Variants in CYRIA observed in about 807,000 individuals in gnomAD.
CYRIA encodes the protein CYFIP related Rac1 interactor A.
A neutral mutation model predicts 43.9 loss-of-function variants in CYRIA; 15 were observed. That is an observed-to-expected ratio of 0.34 (90% CI 0.23 to 0.53). CYRIA has a LOEUF of 0.53. Ranked by LOEUF, CYRIA falls within the 20% of genes least tolerant of loss-of-function variation. The pLI is 0.94. For synonymous variants in CYRIA, 117 were observed against 136.0 expected (o/e 0.86, Z 0.97); for missense variants, 236 against 394.2 (o/e 0.60, Z 3.40).
intron 2 of CYRIA, among the ~76,000 whole-genome samples, chr2:16,601,322 G>T (rs905698875): frequency 6.6e-6 from 1 of 152,156 alleles, no homozygotes; most frequent in African/African-American, 2.4e-5. Context: ...GGTTGGGGGG[G>T]ATTCTGAGTG....
intron 2 of CYRIA, among the ~76,000 whole-genome samples, chr2:16,603,612 G>A (rs73211569): frequency 0.037 from 5,685 of 152,158 alleles, 283 homozygotes; most frequent in East Asian, 0.11. Context: ...TGAGCTCCTC[G>A]TCTCTGCTCA....
intron 1 of CYRIA, among the ~76,000 whole-genome samples, chr2:16,628,508 T>C (rs1669231764): frequency 6.6e-6 from 1 of 152,214 alleles, no homozygotes; most frequent in Non-Finnish European, 1.5e-5. Flanking sequence ...TACTTCCACA[T>C]ACTCCCTACG....
intron 2 of CYRIA, among the ~76,000 whole-genome samples, chr2:16,589,580 C>G (rs1486316417): frequency 6.6e-6 from 1 of 152,094 alleles, no homozygotes; most frequent in Non-Finnish European, 1.5e-5. Context: ...GCCTCAGTTT[C>G]CTCATCTGTA....
chr2:16,627,050 G>A (rs374446471), intron 1 of CYRIA, among the ~76,000 whole-genome samples: 3 of 152,314 alleles, frequency 2.0e-5, no homozygotes, highest in East Asian at 1.9e-4. Flanking sequence ...ACTAGGGCCC[G>A]AAATAGGCAT....
chr2:16,571,351 G>A (rs912344345), intron 3 of CYRIA, among the ~76,000 whole-genome samples: 6 of 152,256 alleles, frequency 3.9e-5, no homozygotes, highest in South Asian at 2.1e-4. Flanking sequence ...ACCAATGCAC[G>A]GCACTCCTTG....
rs1254940861 is a variant in CYRIA at position 16,623,966 on chromosome 2, C to A, written c.-113G>T. 6.6e-6 allele frequency: 1 copy of A among 152,180 alleles called. No individual in the cohort carries two copies. The highest frequency in any genetic ancestry group is 1.5e-5 in the Non-Finnish European group (1 of 68,044). 9.4% of individuals were successfully genotyped at this position (152,180 alleles called of 1,614,324 possible). A position where few individuals can be genotyped will look rare whatever the true frequency, so the allele number is the denominator to read the frequency against. On this transcript the variant is annotated 5_prime_UTR_variant, in exon 2 of 12. Transcript: ENST00000381323. ...GTAAGTTGGACTTCCCAAATCAGGA[C>A]GGTGGCCTCCTAGAGTCCTGTAGCT...
At position 16,550,259 on chromosome 2, in the gene CYRIA, G is replaced by GTGCA. The variant is rs1198098572; in HGVS notation, c.*2673_*2676dup. 1 of 150,840 alleles carries GTGCA rather than the reference G, an allele frequency of 6.6e-6. No homozygotes were observed. Among genetic ancestry groups the GTGCA allele is most frequent in the Non-Finnish European group, 1.5e-5 (1 of 67,864 alleles). The allele number at this position is 150,840 out of a possible 1,614,324, so 9.3% of individuals were successfully genotyped here. A position where few individuals can be genotyped will look rare whatever the true frequency, so the allele number is the denominator to read the frequency against. ...AACCACCCGTAAGTCTTGGACGCAT[G>GTGCA]TGCATGCAGCACACACACACACACA... On this transcript the variant is annotated 3_prime_UTR_variant, in exon 12 of 12. Transcript: ENST00000381323.
intron 1 of CYRIA, among the ~76,000 whole-genome samples, chr2:16,656,801 A>C (rs533920358): frequency 3.3e-5 from 5 of 152,388 alleles, no homozygotes; most frequent in East Asian, 3.9e-4. Flanking sequence ...GGCCACTGCC[A>C]ATGGCCATGC....
At chr2:16,558,419 C>T (rs1477755428) in intron 10 of CYRIA, among the ~76,000 whole-genome samples, 4 of 152,100 alleles carry the variant, frequency 2.6e-5, no homozygotes, top group Non-Finnish European at 5.9e-5. Context: ...TGCATAGGGC[C>T]AGAGCATCAG....
At chr2:16,593,996 C>T (rs1441471967) in intron 2 of CYRIA, among the ~76,000 whole-genome samples, 32 of 79,122 alleles carry the variant, frequency 4.0e-4, no homozygotes, top group East Asian at 7.7e-4. Flanking sequence ...TTTGTTCTTG[C>T]GATAGTTTAC....
At chr2:16,659,446 G>A (rs1359917909) in intron 1 of CYRIA, among the ~76,000 whole-genome samples, 1 of 152,230 alleles carries the variant, frequency 6.6e-6, no homozygotes, top group Admixed American at 6.5e-5. Flanking sequence ...GGTACAAAAT[G>A]TTTATCATTG....
chr2:16,591,804 C>T (rs1394995190), intron 2 of CYRIA, among the ~76,000 whole-genome samples: 2 of 152,078 alleles, frequency 1.3e-5, no homozygotes, highest in Non-Finnish European at 2.9e-5. Flanking sequence ...ATCTGAGTAT[C>T]TGAGTTTATT....
chr2:16,550,864 T>C lies in CYRIA; in HGVS notation c.*2072A>G, dbSNP rs1666283551. 6.6e-6 allele frequency: 1 copy of C among 152,178 alleles called. No homozygotes were observed. Among genetic ancestry groups the C allele is most frequent in the African/African-American group, 2.4e-5 (1 of 41,450 alleles). 9.4% of individuals were successfully genotyped at this position (152,178 alleles called of 1,614,324 possible). ...TAAATATTGTGTGGTTCTATATTTC[T>C]AGCCTAGACAATTGTTGCTCAAGTG... On this transcript the variant is annotated 3_prime_UTR_variant, in exon 12 of 12. Coordinates refer to ENST00000381323, the MANE Select transcript of CYRIA (RefSeq NM_030797.4).
chr2:16,563,927 C>T (rs1666836682), intron 5 of CYRIA, 62 bp downstream of exon 5: 2 of 1,245,020 alleles, frequency 1.6e-6, no homozygotes, highest in Non-Finnish European at 2.3e-6. Flanking sequence ...TTCCCACTAC[C>T]TACTCAAACA....
chr2:16,607,989 C>T (rs144999807), intron 2 of CYRIA, among the ~76,000 whole-genome samples: 131 of 152,312 alleles, frequency 8.6e-4, no homozygotes, highest in African/African-American at 2.9e-3. Context: ...CCCCAAACCC[C>T]AGGCATAAGT....
intron 3 of CYRIA, 65 bp from the exon 4 acceptor site, chr2:16,565,832 A>C: frequency 5.6e-6 from 8 of 1,427,200 alleles, no homozygotes; most frequent in Non-Finnish European, 7.5e-6. Flanking sequence ...AGGAGGATGG[A>C]TATTCAGTTT....
intron 1 of CYRIA, among the ~76,000 whole-genome samples, chr2:16,663,435 A>G (rs1670315102): frequency 6.6e-6 from 1 of 152,174 alleles, no homozygotes; most frequent in South Asian, 2.1e-4. Context: ...AGGGACTGGC[A>G]GGGAATGGAA....
chr2:16,570,836 G>A (rs1572466371), intron 3 of CYRIA, among the ~76,000 whole-genome samples: 1 of 152,144 alleles, frequency 6.6e-6, no homozygotes, highest in Non-Finnish European at 1.5e-5. Context: ...TGCAGCCAGT[G>A]TTTTCTTTGG....
chr2:16,622,749 C>T (rs1669037888), intron 2 of CYRIA, among the ~76,000 whole-genome samples: 1 of 152,206 alleles, frequency 6.6e-6, no homozygotes, highest in African/African-American at 2.4e-5. Flanking sequence ...AGTCGCAAAA[C>T]TGTTCTCCTT....
Sources: allele counts gnomAD v4.1 joint callset (sites outside exome capture counted in the v4.1 genomes callset), GRCh38; gene constraint gnomAD v4.1.1; transcripts MANE v1.5; gene names NCBI Gene and HGNC (gene_info 2026-07-23, HGNC 2026-07-21).